Variants in NCOA1 observed in about 807,000 individuals in gnomAD.
NCOA1 encodes the protein nuclear receptor coactivator 1, also known as Hin-2 protein.
Under a neutral mutation model 150.9 loss-of-function variants are expected in NCOA1, and 35 were observed. The observed-to-expected ratio is 0.23, with a 90% CI of 0.18 to 0.31. The LOEUF (loss-of-function observed/expected upper bound fraction) is 0.31. Ranked by LOEUF, NCOA1 falls within the 10% of genes least tolerant of loss-of-function variation. The pLI, the probability that NCOA1 is intolerant of heterozygous loss-of-function variation, is 1.00. For missense variants in NCOA1, 1,491 were observed against 1,749.3 expected (o/e 0.85, Z 2.63); for synonymous variants, 590 against 630.0 (o/e 0.94, Z 0.95).
intron 11 of NCOA1, among the ~76,000 whole-genome samples, chr2:24,703,909 G>T (rs569359338): frequency 1.3e-5 from 2 of 152,166 alleles, no homozygotes; most frequent in South Asian, 4.1e-4. Flanking sequence ...GTCATTTGTG[G>T]TAGTACTCAA....
At chr2:24,552,533 T>C (rs1479834236) in intron 1 of NCOA1, among the ~76,000 whole-genome samples, 1 of 150,742 alleles carries the variant, frequency 6.6e-6, no homozygotes, top group South Asian at 2.1e-4. Flanking sequence ...ACCCAGCTAA[T>C]TTTTTGTATT....
At chr2:24,746,253 T>C (rs1243802945) in intron 19 of NCOA1, among the ~76,000 whole-genome samples, 1 of 152,088 alleles carries the variant, frequency 6.6e-6, no homozygotes, top group Non-Finnish European at 1.5e-5. Flanking sequence ...CTTAACATAG[T>C]CTAGCCCAGC....
At chr2:24,718,111 G>A (rs1674147883) in intron 14 of NCOA1, among the ~76,000 whole-genome samples, 1 of 152,014 alleles carries the variant, frequency 6.6e-6, no homozygotes, top group African/African-American at 2.4e-5. Flanking sequence ...TTTTGGCCAG[G>A]CTGGTCTAGA....
intron 1 of NCOA1, among the ~76,000 whole-genome samples, chr2:24,499,253 A>G (rs2148070137): frequency 6.6e-6 from 1 of 152,234 alleles, no homozygotes; most frequent in East Asian, 1.9e-4. Context: ...AATATGTGGC[A>G]GTTCCTTACT....
intron 1 of NCOA1, among the ~76,000 whole-genome samples, chr2:24,547,863 C>A (rs1447129404): frequency 3.3e-5 from 5 of 151,862 alleles, no homozygotes; most frequent in Admixed American, 2.6e-4. Context: ...GTGGCGGGCA[C>A]CCGTAGTCTC....
intron 3 of NCOA1, among the ~76,000 whole-genome samples, chr2:24,628,125 C>T (rs983639168): frequency 5.3e-5 from 8 of 152,014 alleles, no homozygotes; most frequent in African/African-American, 1.9e-4. Context: ...CATGTTGAAA[C>T]CCCGTCTCTA....
intron 1 of NCOA1, among the ~76,000 whole-genome samples, chr2:24,528,818 C>T (rs1278997642): frequency 6.6e-6 from 1 of 152,126 alleles, no homozygotes; most frequent in Non-Finnish European, 1.5e-5. Flanking sequence ...GGCTGACTTA[C>T]CATTTTAAAT....
chr2:24,718,457 T>C (rs191928416), intron 14 of NCOA1, among the ~76,000 whole-genome samples: 1 of 152,248 alleles, frequency 6.6e-6, no homozygotes, highest in East Asian at 1.9e-4. Context: ...AGTTCAACTT[T>C]TAGGTATTTA....
At chr2:24,608,530 G>GTA (rs1456349396) in intron 3 of NCOA1, among the ~76,000 whole-genome samples, 60 of 151,574 alleles carry the variant, frequency 4.0e-4, no homozygotes, top group African/African-American at 1.4e-3. Context: ...TCCTCCCAAA[G>GTA]TACTGGGATT....
chr2:24,509,335 A>T (rs1663834596), intron 1 of NCOA1, among the ~76,000 whole-genome samples: 1 of 152,202 alleles, frequency 6.6e-6, no homozygotes, highest in Non-Finnish European at 1.5e-5. Context: ...TGTGCTCATA[A>T]TCACTTTGTT....
At chr2:24,606,970 C>G (rs1668396848) in intron 3 of NCOA1, among the ~76,000 whole-genome samples, 1 of 152,154 alleles carries the variant, frequency 6.6e-6, no homozygotes, top group Non-Finnish European at 1.5e-5. Flanking sequence ...CCATTGCCAC[C>G]CTCACTTCTT....
At chr2:24,671,391 G>A (rs545645784) in intron 6 of NCOA1, among the ~76,000 whole-genome samples, 20 of 152,244 alleles carry the variant, frequency 1.3e-4, no homozygotes, top group African/African-American at 4.8e-4. Context: ...GGGCAGTGGT[G>A]CATGTCTGTA....
chr2:24,701,096 G>A (rs1162589520), intron 11 of NCOA1, among the ~76,000 whole-genome samples: 3 of 152,088 alleles, frequency 2.0e-5, no homozygotes, highest in African/African-American at 7.2e-5. Context: ...CATGGGAAAT[G>A]TCAGGCTATA....
rs138970836 is a variant in NCOA1, at chr2:24,499,354, G to A, written c.-396+7752G>A. Among the ~76,000 whole-genome samples, 3 of 152,194 alleles carry A rather than the reference G, an allele frequency of 2.0e-5. No homozygotes were observed. The East Asian group carries it at 5.8e-4, about 29-fold the overall frequency. ...CAGTGATTCTTAGATGTTGATTTGA[G>A]TTTATTAAATATATAGATGAATTTT... is the stretch of plus-strand genomic sequence containing the variant. On this transcript the variant is annotated intron_variant, in intron 1 of 22. Coordinates refer to ENST00000348332, the MANE Select transcript of NCOA1 (RefSeq NM_003743.5).
intron 2 of NCOA1, among the ~76,000 whole-genome samples, chr2:24,565,692 C>G (rs936023932): frequency 6.6e-6 from 1 of 152,194 alleles, no homozygotes; most frequent in African/African-American, 2.4e-5. Context: ...CACTACTGGC[C>G]TGGATCCCAT....
intron 3 of NCOA1, among the ~76,000 whole-genome samples, chr2:24,622,473 T>C (rs370820503): frequency 1.3e-5 from 2 of 152,210 alleles, no homozygotes; most frequent in Non-Finnish European, 2.9e-5. Context: ...CCTATACTTA[T>C]GATTATGTCT....
At chr2:24,638,180 C>CTT (rs544369191) in intron 3 of NCOA1, among the ~76,000 whole-genome samples, 6,341 of 88,748 alleles carry the variant, frequency 0.071, 652 homozygotes, top group Non-Finnish European at 0.11. Context: ...ATGAGATCAA[C>CTT]TTTTTTTTTT....
intron 1 of NCOA1, among the ~76,000 whole-genome samples, chr2:24,529,861 A>G (rs375688773): frequency 3.9e-4 from 59 of 152,380 alleles, no homozygotes; most frequent in African/African-American, 1.4e-3. Context: ...GCATAATGAT[A>G]TAACCTAAAC....
chr2:24,628,231 C>T (rs1401080460), intron 3 of NCOA1, among the ~76,000 whole-genome samples: 1 of 150,546 alleles, frequency 6.6e-6, no homozygotes. Context: ...ACCTGGGAGG[C>T]AGAGGTTGCA....
Sources: allele counts gnomAD v4.1 joint callset (sites outside exome capture counted in the v4.1 genomes callset), GRCh38; gene constraint gnomAD v4.1.1; transcripts MANE v1.5; gene names NCBI Gene and HGNC (gene_info 2026-07-23, HGNC 2026-07-21).